The following AUTS2 variants were observed in gnomAD, a reference collection of about 807,000 sequenced individuals.
AUTS2 encodes the protein activator of transcription and developmental regulator AUTS2.
AUTS2 carries 17 observed loss-of-function variants against 112.4 expected under a neutral mutation model. The observed-to-expected ratio is 0.15, with a 90% CI of 0.10 to 0.23. The LOEUF (loss-of-function observed/expected upper bound fraction) is 0.23, where lower values mean the gene tolerates loss of function less well. AUTS2 is among the 10% of genes least tolerant of loss of function. The probability of loss-of-function intolerance (pLI) is 1.00; values close to 1 mark genes in which losing one functional copy is unlikely to be tolerated. For synonymous variants in AUTS2, 751 were observed against 702.7 expected, an observed-to-expected ratio of 1.07 and a Z score of -1.09; for missense variants, 1,510 against 1,701.6, an observed-to-expected ratio of 0.89 and a Z score of 1.98.
At chr7:70,513,050 A>G (rs1177346759) in intron 5 of AUTS2, among the ~76,000 whole-genome samples, 1 of 152,204 alleles carries the variant, frequency 6.6e-6, no homozygotes, top group Non-Finnish European at 1.5e-5. Context: ...GTTGATGGAC[A>G]AAGTGCTAGT....
At chr7:69,716,394 C>G (rs931114517) in intron 1 of AUTS2, among the ~76,000 whole-genome samples, 10 of 151,862 alleles carry the variant, frequency 6.6e-5, no homozygotes, top group Non-Finnish European at 1.5e-4. Context: ...AACTATATGA[C>G]CTGATTAGAC....
chr7:70,213,223 G>A (rs1262408882), intron 4 of AUTS2, among the ~76,000 whole-genome samples: 1 of 152,006 alleles, frequency 6.6e-6, no homozygotes, highest in African/African-American at 2.4e-5. Flanking sequence ...AATGTGAAAT[G>A]ATAGAAAAAG....
At chr7:70,402,618 A>G (rs1794372487) in intron 4 of AUTS2, among the ~76,000 whole-genome samples, 1 of 152,202 alleles carries the variant, frequency 6.6e-6, no homozygotes, top group African/African-American at 2.4e-5. Context: ...AAAGGCTTGC[A>G]TGCGGGAAGA....
chr7:70,035,114 A>G (rs1406429788), intron 2 of AUTS2, among the ~76,000 whole-genome samples: 1 of 152,272 alleles, frequency 6.6e-6, no homozygotes, highest in Non-Finnish European at 1.5e-5. Flanking sequence ...TATAGAAAAC[A>G]GAACATTTGC....
intron 2 of AUTS2, among the ~76,000 whole-genome samples, chr7:69,978,183 GCTCCAGTTTAAGTTTA>G (rs1453022426): frequency 3.3e-5 from 5 of 152,266 alleles, no homozygotes; most frequent in African/African-American, 7.2e-5. Context: ...TATAGAGGCA[GCTCCAGTTTAAGTTTA>G]CCTTGCTTTA....
rs575290385 is a variant in AUTS2, at chr7:70,447,694, C to T, written c.690+11913C>T. 7.6e-4 allele frequency among the ~76,000 whole-genome samples: 115 copies of T among 152,262 alleles called. 1 individual carries two copies. The South Asian group carries it at 0.022, about 29-fold the overall frequency. ...AGCCTGAGAGCTGATAGGAAAAGAC[C>T]AGTGAAAACTGTAATACGTTGGAAT... On this transcript the variant is annotated intron_variant, in intron 5 of 18. Transcript: ENST00000342771.
At chr7:70,340,002 G>C (rs1343725837) in intron 4 of AUTS2, among the ~76,000 whole-genome samples, 1 of 152,066 alleles carries the variant, frequency 6.6e-6, no homozygotes, top group Non-Finnish European at 1.5e-5. Context: ...GGCTAGCCAG[G>C]GTTAAAATTG....
At chr7:69,709,644 A>T (rs1483683321) in intron 1 of AUTS2, among the ~76,000 whole-genome samples, 1 of 152,210 alleles carries the variant, frequency 6.6e-6, no homozygotes, top group African/African-American at 2.4e-5. Flanking sequence ...ATAAACAGGT[A>T]CTTTTGTTTA....
chr7:69,810,211 G>A (rs1211484804), intron 1 of AUTS2, among the ~76,000 whole-genome samples: 2 of 152,150 alleles, frequency 1.3e-5, no homozygotes, highest in Non-Finnish European at 2.9e-5. Flanking sequence ...GAGTGCCGGC[G>A]TCAGAGCTCA....
intron 4 of AUTS2, among the ~76,000 whole-genome samples, chr7:70,408,636 A>T (rs1794643666): frequency 6.6e-6 from 1 of 152,208 alleles, no homozygotes; most frequent in South Asian, 2.1e-4. Context: ...AAGTACAGCC[A>T]TAAATTACTT....
chr7:70,086,254 C>CA (rs1374088208), intron 2 of AUTS2, among the ~76,000 whole-genome samples: 1 of 152,086 alleles, frequency 6.6e-6, no homozygotes, highest in Non-Finnish European at 1.5e-5. Flanking sequence ...AGACCAATTT[C>CA]AAAAAATTGA....
intron 4 of AUTS2, among the ~76,000 whole-genome samples, chr7:70,357,520 C>T (rs1218823922): frequency 6.6e-6 from 1 of 152,186 alleles, no homozygotes; most frequent in Non-Finnish European, 1.5e-5. Context: ...AACAACATGT[C>T]TCCCATCTGT....
At chr7:69,678,652 A>G (rs1182188510) in intron 1 of AUTS2, among the ~76,000 whole-genome samples, 1 of 152,126 alleles carries the variant, frequency 6.6e-6, no homozygotes, top group African/African-American at 2.4e-5. Context: ...TGTATTTCCA[A>G]TCTCTCTCAA....
chr7:70,668,415 C>T (rs1005563497), intron 5 of AUTS2, among the ~76,000 whole-genome samples: 49 of 152,230 alleles, frequency 3.2e-4, no homozygotes, highest in African/African-American at 1.1e-3. Context: ...ATGTGAAAGA[C>T]CCCCAAATTG....
At chr7:70,041,779 T>C (rs1393387486) in intron 2 of AUTS2, among the ~76,000 whole-genome samples, 2 of 152,218 alleles carry the variant, frequency 1.3e-5, no homozygotes, top group African/African-American at 4.8e-5. Flanking sequence ...AATTATTTTG[T>C]AAAGGAATCT....
rs779965800 is a variant in AUTS2, at chr7:70,130,153, C to T, written c.625-4383C>T. On this transcript the variant is annotated intron_variant, in intron 3 of 18. Transcript: ENST00000342771. ...AGCCAGGAATGTTGAACACAATTAGCGATTTGGAAGAATTTAAAAATATTC... is the reference window on the plus strand; with the variant it reads ...AGCCAGGAATGTTGAACACAATTAGTGATTTGGAAGAATTTAAAAATATTC... 3.3e-5 allele frequency among the ~76,000 whole-genome samples: 5 copies of T among 151,900 alleles called. No individual in the cohort carries two copies. The East Asian group carries it at 5.8e-4, about 18-fold the overall frequency.
chr7:70,104,176 C>CTT (rs11294643), intron 2 of AUTS2, among the ~76,000 whole-genome samples: 16 of 142,144 alleles, frequency 1.1e-4, no homozygotes, highest in South Asian at 4.5e-4. Flanking sequence ...ATATATACAC[C>CTT]TTTTTTTTTT....
intron 1 of AUTS2, among the ~76,000 whole-genome samples, chr7:69,690,407 G>A (rs959924154): frequency 6.6e-6 from 1 of 152,186 alleles, no homozygotes; most frequent in Admixed American, 6.5e-5. Context: ...GGCCTGCTGG[G>A]CTTGTTCCAC....
At chr7:70,762,081 G>A (rs1335714062) in intron 6 of AUTS2, among the ~76,000 whole-genome samples, 2 of 152,190 alleles carry the variant, frequency 1.3e-5, no homozygotes, top group Non-Finnish European at 2.9e-5. Flanking sequence ...TGGTCAAAAT[G>A]GAAAGTGGGG....
Sources: gnomAD v4.1 joint callset for allele counts (sites outside exome capture counted in the v4.1 genomes callset) on GRCh38, gnomAD v4.1.1 for gene constraint, MANE v1.5 for transcripts, NCBI Gene and HGNC (gene_info 2026-07-23, HGNC 2026-07-21) for gene names.